Variants in LAMA2 observed in about 807,000 individuals in gnomAD.
LAMA2 encodes laminin subunit alpha 2.
A neutral mutation model predicts 364.8 loss-of-function variants in LAMA2; 269 were observed. The ratio of observed to expected loss-of-function variants is 0.74; its 90% confidence interval spans 0.67 to 0.82. The LOEUF (loss-of-function observed/expected upper bound fraction) is 0.82. Ranked by LOEUF, LAMA2 falls within the 40% of genes least tolerant of loss-of-function variation. The probability of loss-of-function intolerance (pLI) is 0.00; values close to 1 mark genes in which losing one functional copy is unlikely to be tolerated. For missense variants in LAMA2, 3,807 were observed against 3,873.2 expected, an observed-to-expected ratio of 0.98 and a Z score of 0.45; for synonymous variants, 1,379 against 1,370.6, an observed-to-expected ratio of 1.01 and a Z score of -0.14.
In LAMA2 at chr6:129,339,062, TCAAG is replaced by T. The variant is rs140698743; in HGVS notation, c.4312-3276_4312-3273del. On this transcript the variant is annotated intron_variant, in intron 29 of 64. Coordinates refer to ENST00000421865, the MANE Select transcript of LAMA2 (RefSeq NM_000426.4). ...TGCATTTGGGAGCTAGTGTAGGCTT[TCAAG>T]CAAGAGAAGGTCATGGTTTGATATG... Among the ~76,000 whole-genome samples the T allele has an allele frequency of 9.9e-3, 1,501 of 151,756 alleles. 30 individuals carry two copies. The highest frequency in any genetic ancestry group is 0.035 in the African/African-American group (1,447 of 41,394).
chr6:129,123,762 G>A (rs542987259), intron 4 of LAMA2, among the ~76,000 whole-genome samples: 1 of 152,256 alleles, frequency 6.6e-6, no homozygotes, highest in South Asian at 2.1e-4. Context: ...ATTAGTGAAA[G>A]GATAAAAAGT....
chr6:129,438,560 T>C lies in LAMA2; in HGVS notation c.5969-86T>C, dbSNP rs1193030366. Reference sequence around the variant, plus strand: ...TTTCTTGCTTTTAATTAATTTTATATTAAAATAACCTGAAATTGCACATCC... The same window carrying C: ...TTTCTTGCTTTTAATTAATTTTATACTAAAATAACCTGAAATTGCACATCC... On this transcript the variant is annotated intron_variant, in intron 41 of 64. Transcript: ENST00000421865. The C allele has an allele frequency of 4.4e-6, 3 of 681,316 alleles. No individual in the cohort carries two copies. In the African/African-American group the frequency reaches 5.4e-5, roughly 12 times the overall value. 42.2% of individuals were successfully genotyped at this position (681,316 alleles called of 1,614,324 possible).
rs146458092 is a variant in LAMA2, at chr6:128,894,920, C to T, written c.112+11563C>T. Among the ~76,000 whole-genome samples the T allele has an allele frequency of 4.4e-3, 674 of 152,286 alleles. 6 individuals are homozygous for T. The highest frequency in any genetic ancestry group is 0.015 in the African/African-American group (630 of 41,562). On this transcript the variant is annotated intron_variant, in intron 1 of 64. Transcript: ENST00000421865. The stretch of plus-strand genomic sequence containing the variant: ...TCTTGTTACTAAAAGGATTTTTGAA[C>T]TTGTGTACCTATGGATAATGTATTG...
chr6:129,285,493 G>C (rs1294120246), intron 18 of LAMA2, among the ~76,000 whole-genome samples: 1 of 152,052 alleles, frequency 6.6e-6, no homozygotes, highest in Non-Finnish European at 1.5e-5. Flanking sequence ...TCTAAGTTAA[G>C]AAAAATTCCC....
intron 1 of LAMA2, among the ~76,000 whole-genome samples, chr6:129,011,032 G>A (rs1784739814): frequency 6.6e-6 from 1 of 152,084 alleles, no homozygotes; most frequent in African/African-American, 2.4e-5. Context: ...CCTGGCTGGA[G>A]TGCAGTGGCT....
chr6:129,009,540 C>T (rs1784641971), intron 1 of LAMA2, among the ~76,000 whole-genome samples: 1 of 152,026 alleles, frequency 6.6e-6, no homozygotes, highest in African/African-American at 2.4e-5. Context: ...AAGTGTTTGA[C>T]CTTTTGTGCC....
intron 3 of LAMA2, among the ~76,000 whole-genome samples, chr6:129,070,559 T>G (rs1176924284): frequency 1.4e-5 from 2 of 142,040 alleles, no homozygotes; most frequent in Non-Finnish European, 3.0e-5. Context: ...TACTCTTCTG[T>G]TGTTGTCATG....
chr6:129,204,925 C>T (rs1424731146), intron 12 of LAMA2, among the ~76,000 whole-genome samples: 2 of 152,092 alleles, frequency 1.3e-5, no homozygotes, highest in South Asian at 2.1e-4. Context: ...ATGTATGAAA[C>T]GGTACTCAAC....
chr6:129,306,764 T>C (rs1773905171), intron 22 of LAMA2, among the ~76,000 whole-genome samples: 1 of 152,128 alleles, frequency 6.6e-6, no homozygotes, highest in East Asian at 1.9e-4. Flanking sequence ...GTCTATTTTT[T>C]ATTTTAAACA....
intron 12 of LAMA2, among the ~76,000 whole-genome samples, chr6:129,247,673 C>T (rs538376355): frequency 4.6e-5 from 7 of 152,096 alleles, no homozygotes; most frequent in Admixed American, 6.5e-5. Context: ...AAAACAGCTT[C>T]GCTCATGACA....
At chr6:129,494,198 AT>A (rs1785031904) in intron 58 of LAMA2, among the ~76,000 whole-genome samples, 1 of 152,172 alleles carries the variant, frequency 6.6e-6, no homozygotes. Flanking sequence ...TGGGTGGGCA[AT>A]GTTGTCTTGA....
intron 1 of LAMA2, among the ~76,000 whole-genome samples, chr6:128,925,182 T>G (rs995959574): frequency 1.3e-5 from 2 of 152,122 alleles, no homozygotes; most frequent in Non-Finnish European, 2.9e-5. Context: ...CCCAAATAAT[T>G]AAAAGCAGGG....
At chr6:129,035,629 G>T (rs1484288640) in intron 1 of LAMA2, among the ~76,000 whole-genome samples, 4 of 144,490 alleles carry the variant, frequency 2.8e-5, no homozygotes, top group South Asian at 4.4e-4. Flanking sequence ...TTCTTTTTAT[G>T]GTTTCAGGTC....
intron 1 of LAMA2, among the ~76,000 whole-genome samples, chr6:128,893,805 TAAAAC>T (rs1776608933): frequency 6.6e-6 from 1 of 152,002 alleles, no homozygotes; most frequent in Non-Finnish European, 1.5e-5. Context: ...ATACCAGTAA[TAAAAC>T]AATTACATGT....
chr6:129,298,411 A>T (rs527852758), intron 21 of LAMA2, among the ~76,000 whole-genome samples: 2 of 152,314 alleles, frequency 1.3e-5, no homozygotes, highest in South Asian at 4.1e-4. Context: ...ATGCAGGCAG[A>T]GGTTTCTAAC....
At chr6:129,346,222 C>T (rs767811462) in intron 30 of LAMA2, among the ~76,000 whole-genome samples, 8 of 152,196 alleles carry the variant, frequency 5.3e-5, no homozygotes, top group Non-Finnish European at 1.0e-4. Flanking sequence ...AATCTGACTA[C>T]CTTTCCAGGC....
In LAMA2 at chr6:129,441,202, T is replaced by C. The variant is rs530789383; in HGVS notation, c.6268+204T>C. On this transcript the variant is annotated intron_variant, in intron 43 of 64. Coordinates refer to ENST00000421865, the MANE Select transcript of LAMA2 (RefSeq NM_000426.4). ...TTCTAGCTCTGCCCCGGTGCTTTTT[T>C]CCTCTGAAATTTTTCCAGTTGAGAA... Among the ~76,000 whole-genome samples the C allele has an allele frequency of 5.3e-5, 8 of 152,312 alleles. No homozygotes were observed. In the South Asian group the frequency reaches 1.5e-3, roughly 28 times the overall value.
chr6:129,306,547 TA>T lies in LAMA2; in HGVS notation c.3174+5676del, dbSNP rs528763840. ...AGTTGTCAGCCATTATATCTTTAAATATTTTTTTGTTCTTCATTCTTATTGT... is the reference window on the plus strand; with the variant it reads ...AGTTGTCAGCCATTATATCTTTAAATTTTTTTTGTTCTTCATTCTTATTGT... On this transcript the variant is annotated intron_variant, in intron 22 of 64. Coordinates refer to ENST00000421865, the MANE Select transcript of LAMA2 (RefSeq NM_000426.4). Among the ~76,000 whole-genome samples the T allele has an allele frequency of 3.4e-4, 52 of 151,892 alleles. No homozygotes were observed. The South Asian group carries it at 9.9e-3, about 29-fold the overall frequency.
Position 129,342,300 on chromosome 6 carries a change from T to TACA in LAMA2, c.4312-43_4312-42insACA. 1.9e-6 allele frequency: 3 copies of TACA among 1,573,614 alleles called. No homozygotes were observed. The Admixed American group carries it at 5.0e-5, about 26-fold the overall frequency. On this transcript the variant is annotated intron_variant, in intron 29 of 64. Coordinates refer to ENST00000421865, the MANE Select transcript of LAMA2 (RefSeq NM_000426.4). ...TGTATGATAAATTACATTCTAACTATCACTAAATTAAAAACAAACTTCTTC... is the reference window on the plus strand; with the variant it reads ...TGTATGATAAATTACATTCTAACTATACACACTAAATTAAAAACAAACTTCTTC...
Sources: allele counts gnomAD v4.1 joint callset (sites outside exome capture counted in the v4.1 genomes callset), GRCh38; gene constraint gnomAD v4.1.1; transcripts MANE v1.5; gene names NCBI Gene and HGNC (gene_info 2026-07-23, HGNC 2026-07-21).